Variants in RPF2 observed in about 807,000 individuals in gnomAD.
RPF2 encodes ribosome production factor 2 homolog.
RPF2 carries 21 observed loss-of-function variants against 38.9 expected under a neutral mutation model. That is an observed-to-expected ratio of 0.54 (90% CI 0.38 to 0.78). The LOEUF (loss-of-function observed/expected upper bound fraction) is 0.78. Among genes scored for constraint, RPF2 ranks in the 30% least tolerant of loss-of-function variants. The pLI, the probability that RPF2 is intolerant of heterozygous loss-of-function variation, is 0.00. For synonymous variants in RPF2, 121 were observed against 126.2 expected (o/e 0.96, Z 0.28); for missense variants, 314 against 358.1 (o/e 0.88, Z 0.99).
intron 8 of RPF2, among the ~76,000 whole-genome samples, chr6:111,020,005 C>T (rs979210239): frequency 2.6e-5 from 4 of 151,806 alleles, no homozygotes; most frequent in African/African-American, 7.3e-5. Context: ...GCCTCTGCCT[C>T]CCGGGTTCAT....
At chr6:111,018,095 C>T (rs1033628200) in intron 8 of RPF2, among the ~76,000 whole-genome samples, 11 of 151,758 alleles carry the variant, frequency 7.2e-5, no homozygotes, top group Admixed American at 2.6e-4. Context: ...CGCCTGCAGT[C>T]GCAGGCACTC....
chr6:111,025,302 C>A (rs996308376), intron 9 of RPF2, 101 bp from the exon 10 acceptor site: 2 of 717,846 alleles, frequency 2.8e-6, no homozygotes, highest in East Asian at 2.6e-5. Context: ...AAGGGGCAGG[C>A]ACTAATGGAA....
rs1011765277 is a variant in RPF2 at position 110,998,260 on chromosome 6, C to T, written c.316+996C>T. 2.6e-5 allele frequency among the ~76,000 whole-genome samples: 4 copies of T among 152,150 alleles called. No homozygotes were observed. The South Asian group carries it at 8.3e-4, about 32-fold the overall frequency. On this transcript the variant is annotated intron_variant, in intron 5 of 9. Coordinates refer to ENST00000441448, the MANE Select transcript of RPF2 (RefSeq NM_032194.3). ...GTCTGCCTGTGCAGTGGCCTGCCAG[C>T]ACTGGGAGGGGCCACATGCACGGTG...
chr6:111,014,707 C>T (rs1415904548), intron 7 of RPF2, among the ~76,000 whole-genome samples: 4 of 152,164 alleles, frequency 2.6e-5, no homozygotes, highest in African/African-American at 7.2e-5. Context: ...CCTTGAGGTT[C>T]GATTTTCTCA....
At position 111,025,724 on chromosome 6, in the gene RPF2, A is replaced by G; in HGVS notation, c.*142A>G. The G allele has an allele frequency of 1.7e-6, 1 of 605,408 alleles. No homozygotes were observed. The highest frequency in any genetic ancestry group is 3.0e-5 in the East Asian group (1 of 33,720). 37.5% of individuals were successfully genotyped at this position (605,408 alleles called of 1,614,324 possible). On this transcript the variant is annotated 3_prime_UTR_variant, in exon 10 of 10. Coordinates refer to ENST00000441448, the MANE Select transcript of RPF2 (RefSeq NM_032194.3). The stretch of plus-strand genomic sequence containing the variant: ...TTACGATATATTATTATGAACAGTA[A>G]TATACTAGTATTAAGTGTAAAGTAA...
chr6:111,001,903 G>T (rs1043195793), intron 6 of RPF2, among the ~76,000 whole-genome samples: 2 of 152,202 alleles, frequency 1.3e-5, no homozygotes, highest in African/African-American at 4.8e-5. Flanking sequence ...CATCACTTTG[G>T]GAGGCCCTGG....
At chr6:111,008,831 A>C (rs970241917) in intron 7 of RPF2, among the ~76,000 whole-genome samples, 7 of 150,458 alleles carry the variant, frequency 4.7e-5, no homozygotes, top group Non-Finnish European at 1.0e-4. Context: ...TCCAGTTTCT[A>C]CTATTCATTT....
rs1436106936 is a variant in RPF2, at chr6:110,994,734, T to TATATATATATATATATATATATACAC, written c.235-2448_235-2447insTATATATATATATATATATATACACA. ...TTGTGGAGAATGGGATGAGTATATA[T>TATATATATATATATATATATATACAC]ACACACACACACACACACACACACA... is the stretch of plus-strand genomic sequence containing the variant. On this transcript the variant is annotated intron_variant, in intron 4 of 9. Coordinates refer to ENST00000441448, the MANE Select transcript of RPF2 (RefSeq NM_032194.3). Among the ~76,000 whole-genome samples the TATATATATATATATATATATATACAC allele has an allele frequency of 6.5e-4, 87 of 134,116 alleles. 1 individual carries two copies. The highest frequency in any genetic ancestry group is 2.8e-3 in the African/African-American group (86 of 31,226). The allele number at this position is 134,116 out of a possible 152,430, so 88.0% of individuals were successfully genotyped here.
In RPF2 at chr6:111,026,659, C is replaced by T. The variant is rs1426248455; in HGVS notation, c.*1077C>T. The T allele has an allele frequency of 1.3e-5, 2 of 152,218 alleles. No individual in the cohort carries two copies. The highest frequency in any genetic ancestry group is 2.9e-5 in the Non-Finnish European group (2 of 68,032). 9.4% of individuals were successfully genotyped at this position (152,218 alleles called of 1,614,324 possible). A position where few individuals can be genotyped will look rare whatever the true frequency, so the allele number is the denominator to read the frequency against. The stretch of plus-strand genomic sequence containing the variant: ...GGTGTAGAAGCCAGCCAAAGCCTAA[C>T]TACTTGTTTTGAAAGTTTCTTGAAG... On this transcript the variant is annotated 3_prime_UTR_variant, in exon 10 of 10. Coordinates refer to ENST00000441448, the MANE Select transcript of RPF2 (RefSeq NM_032194.3).
intron 7 of RPF2, among the ~76,000 whole-genome samples, chr6:111,012,216 G>A (rs1772030073): frequency 6.8e-6 from 1 of 146,760 alleles, no homozygotes; most frequent in South Asian, 2.1e-4. Flanking sequence ...TGCCCAGGCT[G>A]GAGTGCAGTG....
chr6:110,988,343 ACTGTTT>A (rs1771558533), intron 2 of RPF2, among the ~76,000 whole-genome samples: 1 of 152,112 alleles, frequency 6.6e-6, no homozygotes, highest in Non-Finnish European at 1.5e-5. Context: ...CATCATTATT[ACTGTTT>A]CTAAGTTTTC....
At position 111,008,102 on chromosome 6, in the gene RPF2, C is replaced by T; in HGVS notation, c.458C>T (p.Thr153Ile). ...TTTGCTGGCGATGATTTCGATGTAA[C>T]AGAAGATTATAGAAGACTAAAAAGT... is the stretch of plus-strand genomic sequence containing the variant. Reference protein sequence around the residue: ...LIFAGDDFDVTEDYRRLKSLL... With the variant: ...LIFAGDDFDVIEDYRRLKSLL... Residue 153 changes from threonine (T) to isoleucine (I), a missense_variant, in exon 7 of 10, where the codon ACA becomes ATA. Coordinates refer to ENST00000441448, the MANE Select transcript of RPF2 (RefSeq NM_032194.3). 6.3e-7 allele frequency: 1 copy of T among 1,587,784 alleles called. No homozygotes were observed. The highest frequency in any genetic ancestry group is 2.3e-5 in the East Asian group (1 of 43,390).
chr6:111,020,686 C>T (rs1412760261), intron 8 of RPF2, among the ~76,000 whole-genome samples: 1 of 151,810 alleles, frequency 6.6e-6, no homozygotes, highest in African/African-American at 2.4e-5. Flanking sequence ...CATGGTGAAA[C>T]CCCGTCTCTA....
intron 6 of RPF2, among the ~76,000 whole-genome samples, chr6:111,005,805 G>A (rs1374393578): frequency 6.6e-6 from 1 of 151,562 alleles, no homozygotes; most frequent in African/African-American, 2.4e-5. Flanking sequence ...TAATTGTTTT[G>A]TATTTGGTTT....
chr6:110,996,532 G>A (rs957950560), intron 4 of RPF2, among the ~76,000 whole-genome samples: 7 of 152,124 alleles, frequency 4.6e-5, no homozygotes, highest in African/African-American at 7.2e-5. Flanking sequence ...GATATCCTGC[G>A]AGTAAAAGGA....
intron 6 of RPF2, among the ~76,000 whole-genome samples, chr6:111,001,409 G>A (rs1039809197): frequency 2.0e-5 from 3 of 151,038 alleles, no homozygotes; most frequent in Non-Finnish European, 2.9e-5. Context: ...ACAGGGTCTT[G>A]CTCTGTCACC....
intron 8 of RPF2, among the ~76,000 whole-genome samples, chr6:111,023,191 G>A (rs1416577148): frequency 6.6e-6 from 1 of 152,190 alleles, no homozygotes; most frequent in Non-Finnish European, 1.5e-5. Flanking sequence ...GAGCCACCAC[G>A]CCTGGCTGCT....
intron 1 of RPF2, 72 bp downstream of exon 1, chr6:110,982,201 C>T (rs1485264012): frequency 7.9e-6 from 12 of 1,518,048 alleles, no homozygotes; most frequent in East Asian, 4.5e-5. Flanking sequence ...GGTACTGTCT[C>T]GGCCTCTCAC....
chr6:110,988,639 G>A (rs866442285), intron 2 of RPF2, among the ~76,000 whole-genome samples: 1 of 152,092 alleles, frequency 6.6e-6, no homozygotes, highest in Non-Finnish European at 1.5e-5. Flanking sequence ...GTTTTGCCAT[G>A]TTGCCCAGGC....
Sources: allele counts gnomAD v4.1 joint callset (sites outside exome capture counted in the v4.1 genomes callset), GRCh38; gene constraint gnomAD v4.1.1; transcripts MANE v1.5; gene names NCBI Gene and HGNC (gene_info 2026-07-23, HGNC 2026-07-21).